MLIP: variants seen among roughly 807,000 people sequenced by gnomAD.
MLIP encodes the protein muscular LMNA interacting protein, also known as muscular LMNA-interacting protein.
A neutral mutation model predicts 84.8 loss-of-function variants in MLIP; 79 were observed. The ratio of observed to expected loss-of-function variants is 0.93; its 90% CI spans 0.78 to 1.12. MLIP has a LOEUF of 1.12. Ranked by LOEUF, MLIP falls within the 50% of genes most tolerant of loss-of-function variation. The pLI is 0.00. For synonymous variants in MLIP, 504 were observed against 463.0 expected, an observed-to-expected ratio of 1.09 and a Z score of -1.14; for missense variants, 1,257 against 1,160.6, an observed-to-expected ratio of 1.08 and a Z score of -1.21.
chr6:54,259,358 C>T (rs1044114975), intron 13 of MLIP, among the ~76,000 whole-genome samples: 11 of 151,764 alleles, frequency 7.2e-5, no homozygotes, highest in Non-Finnish European at 1.3e-4. Flanking sequence ...AAATAGGAAA[C>T]TTTGTATTTC....
chr6:54,237,909 A>G (rs182814762), intron 12 of MLIP, among the ~76,000 whole-genome samples: 17 of 152,266 alleles, frequency 1.1e-4, no homozygotes, highest in African/African-American at 4.1e-4. Flanking sequence ...TTGATATATT[A>G]TGCTTTGGAC....
At chr6:54,168,867 T>A (rs1336911303) in intron 8 of MLIP, among the ~76,000 whole-genome samples, 3 of 149,546 alleles carry the variant, frequency 2.0e-5, no homozygotes, top group African/African-American at 7.4e-5. Flanking sequence ...TTTTTTTTTT[T>A]TTTTTTTGTA....
chr6:54,119,646 A>G (rs1053625643), intron 1 of MLIP, among the ~76,000 whole-genome samples: 12 of 152,202 alleles, frequency 7.9e-5, no homozygotes, highest in African/African-American at 2.9e-4. Context: ...ACTATAGTTA[A>G]TGACAATATA....
intron 12 of MLIP, among the ~76,000 whole-genome samples, chr6:54,252,700 C>T (rs1170086627): frequency 6.6e-6 from 1 of 151,714 alleles, no homozygotes; most frequent in Non-Finnish European, 1.5e-5. Flanking sequence ...GCACAGGCTA[C>T]TGTCCAGAGT....
intron 1 of MLIP, among the ~76,000 whole-genome samples, chr6:54,054,139 C>G: frequency 6.6e-6 from 1 of 152,086 alleles, no homozygotes; most frequent in East Asian, 1.9e-4. Flanking sequence ...AAGTTCTTAG[C>G]AACCCATTAA....
intron 10 of MLIP, among the ~76,000 whole-genome samples, chr6:54,192,213 C>G (rs1777986207): frequency 2.3e-5 from 1 of 43,824 alleles, no homozygotes; most frequent in Non-Finnish European, 1.2e-4. Flanking sequence ...ATTTCTTAAC[C>G]AAGTTTTAAA....
intron 9 of MLIP, among the ~76,000 whole-genome samples, chr6:54,189,540 A>G (rs1777715522): frequency 6.6e-6 from 1 of 152,176 alleles, no homozygotes; most frequent in Admixed American, 6.5e-5. Context: ...GAAGAATACA[A>G]AGAATGAAAT....
chr6:54,059,644 C>A (rs539724208), intron 1 of MLIP, among the ~76,000 whole-genome samples: 3 of 152,284 alleles, frequency 2.0e-5, no homozygotes, highest in East Asian at 3.8e-4. Flanking sequence ...GAGTGAACAA[C>A]CCTGGATTCA....
chr6:54,104,258 G>A (rs1261655921), intron 1 of MLIP, among the ~76,000 whole-genome samples: 1 of 151,962 alleles, frequency 6.6e-6, no homozygotes, highest in Non-Finnish European at 1.5e-5. Context: ...ACATTATTTT[G>A]TTCCTTTATG....
chr6:54,207,075 G>A (rs1261265330), intron 11 of MLIP, among the ~76,000 whole-genome samples: 1 of 151,824 alleles, frequency 6.6e-6, no homozygotes, highest in South Asian at 2.1e-4. Flanking sequence ...GCAATTTCTT[G>A]TAGTGTTACA....
rs1254821803 is a variant in MLIP, at chr6:54,065,427, A to G, written c.63+46336A>G. Among the ~76,000 whole-genome samples, 4 of 101,210 alleles carry G rather than the reference A, an allele frequency of 4.0e-5. 2 individuals carry two copies. The highest frequency in any genetic ancestry group is 1.1e-4 in the Non-Finnish European group (4 of 35,178). 66.4% of individuals were successfully genotyped at this position (101,210 alleles called of 152,430 possible). ...CATATTCAAAGATATTACTAAATGT[A>G]TAAAGGGATTTGCACCAAGGATAAA... is the stretch of plus-strand genomic sequence containing the variant. On this transcript the variant is annotated intron_variant, in intron 1 of 12. Transcript: ENST00000274897.
chr6:54,179,938 T>A (rs1016267888), intron 9 of MLIP, among the ~76,000 whole-genome samples: 2 of 152,204 alleles, frequency 1.3e-5, no homozygotes, highest in African/African-American at 4.8e-5. Context: ...AACAGTCTTT[T>A]CTTTCAAATT....
intron 3 of MLIP, among the ~76,000 whole-genome samples, chr6:54,131,250 T>A (rs944594144): frequency 1.3e-5 from 2 of 152,206 alleles, no homozygotes; most frequent in Admixed American, 1.3e-4. Flanking sequence ...GAAATCAAGG[T>A]GTCAGTCAGG....
At chr6:54,130,760 G>A (rs1582222752) in intron 3 of MLIP, among the ~76,000 whole-genome samples, 2 of 152,128 alleles carry the variant, frequency 1.3e-5, no homozygotes, top group African/African-American at 4.8e-5. Context: ...CAGAGGCAGT[G>A]TTGCTGAAAT....
rs1357816680 is a variant in MLIP, at chr6:54,137,676, T to C, written c.1607T>C (p.Met536Thr). 1.3e-6 allele frequency: 2 copies of C among 1,536,084 alleles called. No homozygotes were observed. The highest frequency in any genetic ancestry group is 2.4e-5 in the South Asian group (2 of 84,062). The change falls in exon 4 of 14, where the codon ATG becomes ACG. Residue 536 changes from methionine (M) to threonine (T), a missense_variant. By Grantham distance (81) the Met-to-Thr change is moderately conservative. Transcript: ENST00000502396. ...TPSPTLKSNT[M>T]LSLLQTSTSS... ...TCACCTACTTTGAAGAGCAATACCA[T>C]GCTCTCCCTGCTACAAACCAGTACA...
intron 12 of MLIP, among the ~76,000 whole-genome samples, chr6:54,239,687 T>A (rs1207681337): frequency 6.6e-6 from 1 of 151,376 alleles, no homozygotes; most frequent in Non-Finnish European, 1.5e-5. Flanking sequence ...CTAGGGAGGC[T>A]GAGGCAGGAG....
chr6:54,063,757 G>A (rs567889736), intron 1 of MLIP, among the ~76,000 whole-genome samples: 3 of 130,498 alleles, frequency 2.3e-5, no homozygotes, highest in African/African-American at 9.2e-5. Context: ...TGTGTGTGTG[G>A]TGCCTTTCTT....
intron 3 of MLIP, among the ~76,000 whole-genome samples, chr6:54,127,395 G>A (rs1377290356): frequency 1.3e-5 from 2 of 152,064 alleles, no homozygotes; most frequent in African/African-American, 4.8e-5. Flanking sequence ...TCAATAAGGT[G>A]AGTGAAAAAA....
At chr6:54,205,021 G>T (rs1042666288) in intron 11 of MLIP, among the ~76,000 whole-genome samples, 1 of 152,148 alleles carries the variant, frequency 6.6e-6, no homozygotes, top group Admixed American at 6.5e-5. Context: ...GCATGAAAGG[G>T]AAAGATAAGA....
Sources: gnomAD v4.1 joint callset for allele counts (sites outside exome capture counted in the v4.1 genomes callset) on GRCh38, gnomAD v4.1.1 for gene constraint, MANE v1.5 for transcripts, NCBI Gene and HGNC (gene_info 2026-07-23, HGNC 2026-07-21) for gene names.